CSMD1: variants seen among roughly 807,000 people sequenced by gnomAD.
CSMD1 encodes the protein CUB and sushi domain-containing protein 1.
A neutral mutation model predicts 417.5 loss-of-function variants in CSMD1; 213 were observed. The observed-to-expected ratio is 0.51, with a 90% CI of 0.46 to 0.57. CSMD1 has a LOEUF of 0.57. Among genes scored for constraint, CSMD1 ranks in the 20% least tolerant of loss-of-function variants. CSMD1 has a pLI of 0.00. For missense variants in CSMD1, 6,923 were observed against 4,529.7 expected, an observed-to-expected ratio of 1.53 and a Z score of -15.17; for synonymous variants, 2,862 against 1,736.8, an observed-to-expected ratio of 1.65 and a Z score of -16.11.
At chr8:3,710,090 A>T (rs1801421148) in intron 6 of CSMD1, among the ~76,000 whole-genome samples, 1 of 151,878 alleles carries the variant, frequency 6.6e-6, no homozygotes, top group Non-Finnish European at 1.5e-5. Context: ...ACTCATATCT[A>T]CATATATTTT....
chr8:4,854,844 C>G (rs112855099), intron 1 of CSMD1, among the ~76,000 whole-genome samples: 1 of 152,008 alleles, frequency 6.6e-6, no homozygotes, highest in African/African-American at 2.4e-5. Flanking sequence ...GGGAGGGGCG[C>G]CCGCCATTGC....
chr8:4,063,131 T>C (rs889989785), intron 3 of CSMD1, among the ~76,000 whole-genome samples: 6 of 152,176 alleles, frequency 3.9e-5, no homozygotes, highest in East Asian at 1.9e-4. Flanking sequence ...ATTTATTGTG[T>C]ATTTCAAAAT....
intron 5 of CSMD1, among the ~76,000 whole-genome samples, chr8:3,955,045 A>T (rs866324950): frequency 3.9e-5 from 6 of 152,190 alleles, no homozygotes; most frequent in Middle Eastern, 3.2e-3. Context: ...TATCATTTTC[A>T]AAGAGGCAAT....
At chr8:4,097,788 C>T (rs1801098139) in intron 3 of CSMD1, among the ~76,000 whole-genome samples, 4 of 152,168 alleles carry the variant, frequency 2.6e-5, no homozygotes, top group African/African-American at 2.4e-5. Flanking sequence ...TTAGTTTTAG[C>T]ATGATTACAA....
chr8:3,891,662 G>A (rs977224990), intron 5 of CSMD1, among the ~76,000 whole-genome samples: 1 of 147,678 alleles, frequency 6.8e-6, no homozygotes, highest in African/African-American at 2.4e-5. Flanking sequence ...GAGCCTAGGT[G>A]ACAAAGCAAG....
At position 4,003,014 on chromosome 8, in the gene CSMD1, T is replaced by C. The variant is rs1181150991; in HGVS notation, c.611-4904A>G. On this transcript the variant is annotated intron_variant, in intron 4 of 69. Coordinates refer to ENST00000635120, the MANE Select transcript of CSMD1 (RefSeq NM_033225.6). ...GTTTAATTTTTTCAAAATAAATGTA[T>C]AAAAATAAAAACAACACAATAAAAA... is the stretch of plus-strand genomic sequence containing the variant. Among the ~76,000 whole-genome samples, 4 of 110,512 alleles carry C rather than the reference T, an allele frequency of 3.6e-5. No homozygotes were observed. The East Asian group carries it at 1.2e-3, about 33-fold the overall frequency. The allele number at this position is 110,512 out of a possible 152,430, so 72.5% of individuals were successfully genotyped here. A position where few individuals can be genotyped will look rare whatever the true frequency, so the allele number is the denominator to read the frequency against.
chr8:3,105,788 C>T (rs1030245887), intron 46 of CSMD1, among the ~76,000 whole-genome samples: 3 of 152,164 alleles, frequency 2.0e-5, no homozygotes, highest in African/African-American at 4.8e-5. Flanking sequence ...CCTTGAAATG[C>T]ATCAAAAATA....
intron 5 of CSMD1, among the ~76,000 whole-genome samples, chr8:3,822,222 T>C (rs548562725): frequency 2.0e-5 from 3 of 152,296 alleles, no homozygotes; most frequent in East Asian, 1.9e-4. Flanking sequence ...CACTCTGCCA[T>C]GTGCCTGCTT....
intron 3 of CSMD1, among the ~76,000 whole-genome samples, chr8:4,180,695 C>T (rs1798317982): frequency 6.6e-6 from 1 of 152,178 alleles, no homozygotes; most frequent in South Asian, 2.1e-4. Context: ...AGGTAGCTCA[C>T]TGGTTGTCAT....
chr8:3,258,202 G>A (rs1410773047), intron 26 of CSMD1, among the ~76,000 whole-genome samples: 1 of 152,124 alleles, frequency 6.6e-6, no homozygotes, highest in Non-Finnish European at 1.5e-5. Flanking sequence ...ATATGCATCT[G>A]AAAAATGTCT....
At chr8:3,902,095 A>G (rs1206395969) in intron 5 of CSMD1, among the ~76,000 whole-genome samples, 1 of 152,202 alleles carries the variant, frequency 6.6e-6, no homozygotes, top group Non-Finnish European at 1.5e-5. Context: ...CTTGAAAACC[A>G]GCCTGAACAC....
chr8:3,435,165 A>G (rs59728691), intron 12 of CSMD1, among the ~76,000 whole-genome samples: 10,789 of 152,212 alleles, frequency 0.071, 437 homozygotes, highest in East Asian at 0.16. Context: ...GTGAATCCCA[A>G]TGAGAAGTCA....
intron 4 of CSMD1, among the ~76,000 whole-genome samples, chr8:4,030,370 C>G (rs1425701361): frequency 1.3e-5 from 2 of 152,208 alleles, no homozygotes; most frequent in Non-Finnish European, 2.9e-5. Flanking sequence ...GGTTCCCAAA[C>G]CCAAATTATT....
chr8:4,023,753 ATTTTTTTTTTTTTTTTT>A (rs760333220), intron 4 of CSMD1, among the ~76,000 whole-genome samples: 1 of 50,100 alleles, frequency 2.0e-5, no homozygotes, highest in Non-Finnish European at 3.5e-5. Flanking sequence ...CGCTCGGCTA[ATTTTTTTTTTTTTTTTT>A]TTTTTTTTTT....
chr8:4,297,425 G>C (rs1005321488), intron 3 of CSMD1, among the ~76,000 whole-genome samples: 12 of 152,110 alleles, frequency 7.9e-5, no homozygotes, highest in Non-Finnish European at 4.4e-5. Context: ...ATGTTAAACG[G>C]TATTAAGGAA....
chr8:3,530,218 T>G (rs1235562087), intron 10 of CSMD1, among the ~76,000 whole-genome samples: 4 of 152,220 alleles, frequency 2.6e-5, no homozygotes, highest in Non-Finnish European at 4.4e-5. Flanking sequence ...AGATTTAGTT[T>G]GCTCTTTTTT....
At chr8:4,081,769 C>G (rs1157458178) in intron 3 of CSMD1, among the ~76,000 whole-genome samples, 1 of 152,088 alleles carries the variant, frequency 6.6e-6, no homozygotes, top group East Asian at 1.9e-4. Flanking sequence ...CCCCAAATAT[C>G]TGGAAACCAA....
chr8:3,664,612 G>C (rs998381092), intron 7 of CSMD1, among the ~76,000 whole-genome samples: 3 of 152,184 alleles, frequency 2.0e-5, no homozygotes, highest in African/African-American at 7.2e-5. Flanking sequence ...TATTCTGTCT[G>C]TCTCCCCACC....
In CSMD1 at chr8:3,190,200, C is replaced by T. The variant is rs977834847; in HGVS notation, c.5195-85G>A. The T allele has an allele frequency of 4.2e-6, 4 of 951,958 alleles. No individual in the cohort carries two copies. The East Asian group carries it at 1.1e-4, about 26-fold the overall frequency. The allele number at this position is 951,958 out of a possible 1,614,324, so 59.0% of individuals were successfully genotyped here. A position where few individuals can be genotyped will look rare whatever the true frequency, so the allele number is the denominator to read the frequency against. On this transcript the variant is annotated intron_variant, in intron 33 of 69. Coordinates refer to ENST00000635120, the MANE Select transcript of CSMD1 (RefSeq NM_033225.6). The stretch of plus-strand genomic sequence containing the variant: ...GTGGAACGTGGGTTTAAGATGGGAC[C>T]AAGGAGAGCTGATGCAGACAGAGAA...
Sources: allele counts gnomAD v4.1 joint callset (sites outside exome capture counted in the v4.1 genomes callset), GRCh38; gene constraint gnomAD v4.1.1; transcripts MANE v1.5; gene names NCBI Gene and HGNC (gene_info 2026-07-23, HGNC 2026-07-21).